TENM4: variants seen among roughly 807,000 people sequenced by gnomAD.
The protein encoded by TENM4 is teneurin transmembrane protein 4.
A neutral mutation model predicts 243.3 loss-of-function variants in TENM4; 82 were observed. That is an observed-to-expected ratio of 0.34 (90% CI 0.28 to 0.40). TENM4 has a LOEUF of 0.40. TENM4 is among the 10% of genes least tolerant of loss of function. The pLI, the probability that TENM4 is intolerant of heterozygous loss-of-function variation, is 1.00. For synonymous variants in TENM4, 1,412 were observed against 1,456.3 expected (o/e 0.97, Z 0.69); for missense variants, 3,138 against 3,673.3 (o/e 0.85, Z 3.77).
chr11:79,025,294 AATG>A (rs1859046866), intron 6 of TENM4, among the ~76,000 whole-genome samples: 1 of 152,192 alleles, frequency 6.6e-6, no homozygotes, highest in Non-Finnish European at 1.5e-5. Flanking sequence ...TGAATGAATG[AATG>A]AGTGATTCAG....
At chr11:79,076,960 T>G (rs1252787961) in intron 4 of TENM4, among the ~76,000 whole-genome samples, 1 of 152,208 alleles carries the variant, frequency 6.6e-6, no homozygotes. Context: ...TTGCTCTAGA[T>G]CACGTGGCTT....
intron 2 of TENM4, among the ~76,000 whole-genome samples, chr11:79,269,842 T>C (rs1855939639): frequency 6.6e-6 from 1 of 152,232 alleles, no homozygotes; most frequent in Non-Finnish European, 1.5e-5. Flanking sequence ...AAAAGGCAAC[T>C]GTGGTTTTAT....
intron 4 of TENM4, among the ~76,000 whole-genome samples, chr11:79,147,230 A>C (rs1439015036): frequency 6.6e-6 from 1 of 152,054 alleles, no homozygotes; most frequent in Non-Finnish European, 1.5e-5. Context: ...TCAATCTCTC[A>C]TCCAACACTC....
At chr11:78,762,519 G>C (rs1856452851) in intron 18 of TENM4, among the ~76,000 whole-genome samples, 1 of 152,184 alleles carries the variant, frequency 6.6e-6, no homozygotes, top group Admixed American at 6.5e-5. Context: ...AGAGGCTCTG[G>C]CACTGTGGAA....
rs544293381 is a variant in TENM4 at position 78,881,379 on chromosome 11, T to G, written c.1084+8406A>C. ...TTGGGTTCCACCACCAGGAGGAGGT[T>G]GTCAGGGTGGGAAGAGAGTGAGGTG... On this transcript the variant is annotated intron_variant, in intron 9 of 33. Coordinates refer to ENST00000278550, the MANE Select transcript of TENM4 (RefSeq NM_001098816.3). 2.0e-5 allele frequency among the ~76,000 whole-genome samples: 3 copies of G among 152,268 alleles called. No individual in the cohort carries two copies. In the South Asian group the frequency reaches 6.2e-4, roughly 32 times the overall value.
intron 29 of TENM4, among the ~76,000 whole-genome samples, chr11:78,676,630 C>T (rs981197304): frequency 2.0e-5 from 3 of 152,222 alleles, no homozygotes; most frequent in Admixed American, 2.0e-4. Context: ...AATGCCCTTA[C>T]ATTACAGTTT....
chr11:79,066,730 G>GTGCACGCACA (rs1555001927), intron 5 of TENM4, among the ~76,000 whole-genome samples: 30 of 150,720 alleles, frequency 2.0e-4, no homozygotes, highest in Non-Finnish European at 3.3e-4. Flanking sequence ...GAGCACACAC[G>GTGCACGCACA]CGCACGCACA....
chr11:79,146,246 G>T (rs1862393365), intron 4 of TENM4, among the ~76,000 whole-genome samples: 1 of 152,132 alleles, frequency 6.6e-6, no homozygotes, highest in Non-Finnish European at 1.5e-5. Flanking sequence ...GGCATTTCTA[G>T]CCTGTGGCAT....
At chr11:79,377,792 C>A (rs1290950797) in intron 1 of TENM4, among the ~76,000 whole-genome samples, 1 of 152,072 alleles carries the variant, frequency 6.6e-6, no homozygotes, top group Non-Finnish European at 1.5e-5. Flanking sequence ...TCTGTACTCC[C>A]TAGAAAGTGG....
chr11:79,020,944 CTGCAGCTGCACACCTAATAGAA>C (rs1188970063), intron 6 of TENM4, among the ~76,000 whole-genome samples: 4 of 152,228 alleles, frequency 2.6e-5, no homozygotes, highest in African/African-American at 7.2e-5. Flanking sequence ...ACAGTACCCT[CTGCAGCTGCACACCTAATAGAA>C]TGCACAGTGT....
intron 9 of TENM4, among the ~76,000 whole-genome samples, chr11:78,889,411 G>A (rs920956769): frequency 6.6e-6 from 1 of 152,234 alleles, no homozygotes; most frequent in Non-Finnish European, 1.5e-5. Flanking sequence ...GCTACCTGCT[G>A]TTCAGCCTCT....
At chr11:79,152,410 A>T (rs1462032642) in intron 3 of TENM4, among the ~76,000 whole-genome samples, 1 of 152,166 alleles carries the variant, frequency 6.6e-6, no homozygotes, top group Admixed American at 6.6e-5. Flanking sequence ...GGTTGTGCAG[A>T]TGCATTTTCC....
At chr11:79,055,030 G>A (rs556902160) in intron 6 of TENM4, among the ~76,000 whole-genome samples, 22 of 151,756 alleles carry the variant, frequency 1.4e-4, no homozygotes, top group Non-Finnish European at 2.6e-4. Context: ...GGGAGGCTGA[G>A]GCAGGAGAAT....
chr11:79,094,846 G>A (rs1459748420), intron 4 of TENM4, among the ~76,000 whole-genome samples: 1 of 152,176 alleles, frequency 6.6e-6, no homozygotes, highest in Non-Finnish European at 1.5e-5. Context: ...AGATTCAAAG[G>A]CTGGGGCCTG....
intron 12 of TENM4, among the ~76,000 whole-genome samples, chr11:78,853,389 G>C (rs192346725): frequency 6.6e-6 from 1 of 152,322 alleles, no homozygotes; most frequent in East Asian, 1.9e-4. Flanking sequence ...GTAAAGAAGA[G>C]AAACTCTTTA....
At chr11:79,439,432 A>G (rs1486423327) in intron 1 of TENM4, among the ~76,000 whole-genome samples, 1 of 152,112 alleles carries the variant, frequency 6.6e-6, no homozygotes, top group Non-Finnish European at 1.5e-5. Flanking sequence ...ACGCGGGTGC[A>G]TAAATCGCCT....
At chr11:79,053,544 G>T (rs1437271933) in intron 6 of TENM4, among the ~76,000 whole-genome samples, 2 of 152,114 alleles carry the variant, frequency 1.3e-5, no homozygotes, top group Non-Finnish European at 2.9e-5. Context: ...AATCTCACAG[G>T]CTTTAGCCAT....
chr11:79,064,490 A>G (rs1860187593), intron 6 of TENM4: 2 of 517,528 alleles, frequency 3.9e-6, no homozygotes, highest in Non-Finnish European at 6.9e-6. Flanking sequence ...CCTTATGAGC[A>G]ATGACCCAGA....
At chr11:78,877,576 A>T (rs1859300035) in intron 9 of TENM4, among the ~76,000 whole-genome samples, 1 of 152,222 alleles carries the variant, frequency 6.6e-6, no homozygotes, top group Admixed American at 6.5e-5. Context: ...TTGTAAAAGG[A>T]GCACCCAGAG....
Sources: allele counts gnomAD v4.1 joint callset (sites outside exome capture counted in the v4.1 genomes callset), GRCh38; gene constraint gnomAD v4.1.1; transcripts MANE v1.5; gene names NCBI Gene and HGNC (gene_info 2026-07-23, HGNC 2026-07-21).